EPHB1: variants seen among roughly 807,000 people sequenced by gnomAD.
EPHB1 encodes the protein EPH receptor B1.
In EPHB1, 30 loss-of-function variants were observed where a neutral mutation model predicts 94.4. The observed-to-expected ratio is 0.32, with a 90% CI of 0.24 to 0.43. The LOEUF is 0.43. Among genes scored for constraint, EPHB1 ranks in the 20% least tolerant of loss-of-function variants. EPHB1 has a pLI of 1.00. For synonymous variants in EPHB1, 522 were observed against 489.1 expected (o/e 1.07, Z -0.89); for missense variants, 1,055 against 1,308.3 (o/e 0.81, Z 2.99).
intron 3 of EPHB1, among the ~76,000 whole-genome samples, chr3:135,100,362 C>A (rs1938992393): frequency 6.6e-6 from 1 of 152,158 alleles, no homozygotes; most frequent in Non-Finnish European, 1.5e-5. Context: ...TTTTATCTTC[C>A]TTTGATATCA....
chr3:134,840,316 T>G (rs1186037744), intron 1 of EPHB1: 1 of 152,214 alleles, frequency 6.6e-6, no homozygotes, highest in Non-Finnish European at 1.5e-5. Flanking sequence ...CAGGTGAGGT[T>G]GCCTGGTGGG....
intron 4 of EPHB1, among the ~76,000 whole-genome samples, chr3:135,112,634 G>A (rs1939502074): frequency 1.4e-5 from 2 of 147,302 alleles, no homozygotes; most frequent in Admixed American, 7.0e-5. Flanking sequence ...GTGAGGACAT[G>A]CGGTGTTTGG....
chr3:134,856,313 A>G (rs1476763546), intron 1 of EPHB1, among the ~76,000 whole-genome samples: 3 of 152,156 alleles, frequency 2.0e-5, no homozygotes. Context: ...CCATGGCCCA[A>G]TGAACTAGGC....
At position 135,166,936 on chromosome 3, in the gene EPHB1, CCA is replaced by C; in HGVS notation, c.1695-3_1695-2del. The C allele has an allele frequency of 1.9e-6, 3 of 1,613,974 alleles. No individual in the cohort carries two copies. The highest frequency in any genetic ancestry group is 2.5e-6 in the Non-Finnish European group (3 of 1,179,900). ...TGGCTGAGAGAGCCCCTCTTTTTAT[CCA>C]CAGGAAACGGGCTTATAGCAAAGAG... On this transcript the variant is annotated splice_region_variant and splice_polypyrimidine_tract_variant and intron_variant, in intron 8 of 15. Transcript: ENST00000398015.
chr3:135,016,848 C>A (rs138117416), intron 3 of EPHB1, among the ~76,000 whole-genome samples: 11 of 152,248 alleles, frequency 7.2e-5, no homozygotes, highest in Admixed American at 5.2e-4. Context: ...TAAAAGATCC[C>A]ATCAGGCTCC....
chr3:135,166,313 G>A (rs1941651190), intron 8 of EPHB1, among the ~76,000 whole-genome samples: 1 of 152,168 alleles, frequency 6.6e-6, no homozygotes, highest in Admixed American at 6.5e-5. Context: ...TCATTTTAAC[G>A]AAGACTTTTA....
intron 3 of EPHB1, among the ~76,000 whole-genome samples, chr3:135,096,595 A>G (rs77625470): frequency 0.011 from 1,642 of 152,348 alleles, 22 homozygotes; most frequent in African/African-American, 0.038. Flanking sequence ...ACAGTTCTGA[A>G]TACTAGGAAG....
intron 12 of EPHB1, among the ~76,000 whole-genome samples, chr3:135,221,972 A>G (rs7619533): frequency 0.66 from 99,741 of 152,102 alleles, 33,914 homozygotes; most frequent in Middle Eastern, 0.76. Flanking sequence ...TAATAGCAAT[A>G]AGCAGAACTA....
In EPHB1 at chr3:134,859,840, G is replaced by A. The variant is rs368732511; in HGVS notation, c.58+64151G>A. On this transcript the variant is annotated intron_variant, in intron 1 of 15. Coordinates refer to ENST00000398015, the MANE Select transcript of EPHB1 (RefSeq NM_004441.5). ...TTTCTAGGTGCATACAAATTTATAC[G>A]GCCGCAATCATAATTTGGTATCTTG... 1.6e-3 allele frequency among the ~76,000 whole-genome samples: 236 copies of A among 151,968 alleles called. 1 individual carries two copies. The South Asian group carries it at 0.017, about 11-fold the overall frequency.
chr3:134,959,547 G>A (rs1057302299), intron 3 of EPHB1, among the ~76,000 whole-genome samples: 11 of 152,102 alleles, frequency 7.2e-5, no homozygotes, highest in Non-Finnish European at 1.5e-4. Flanking sequence ...TGGGGTTCTG[G>A]TGGCTCTGTG....
At chr3:135,144,770 A>ATCT (rs1940953962) in intron 5 of EPHB1, among the ~76,000 whole-genome samples, 1 of 151,962 alleles carries the variant, frequency 6.6e-6, no homozygotes, top group Non-Finnish European at 1.5e-5. Context: ...TGAAGCCCTC[A>ATCT]CTTTTTATCC....
At chr3:134,995,978 G>A (rs1404820106) in intron 3 of EPHB1, among the ~76,000 whole-genome samples, 31 of 151,634 alleles carry the variant, frequency 2.0e-4, no homozygotes, top group Admixed American at 2.0e-3. Flanking sequence ...ATGCCATAAT[G>A]CTTTATGACT....
rs553272747 is a variant in EPHB1, at chr3:135,248,197, C to T, written c.2497-119C>T. 1.6e-5 allele frequency: 15 copies of T among 945,066 alleles called. No homozygotes were observed. In the South Asian group the frequency reaches 3.1e-4, roughly 19 times the overall value. The allele number at this position is 945,066 out of a possible 1,614,324, so 58.5% of individuals were successfully genotyped here. On this transcript the variant is annotated intron_variant, in intron 13 of 15. Coordinates refer to ENST00000398015, the MANE Select transcript of EPHB1 (RefSeq NM_004441.5). Reference sequence around the variant, plus strand: ...CATTACAGCGGAAGGTGTGCAAGCACAGAGCAAGGGCATCTGAGACAGCCT... The same window carrying T: ...CATTACAGCGGAAGGTGTGCAAGCATAGAGCAAGGGCATCTGAGACAGCCT...
chr3:134,906,625 A>G (rs2038336374), intron 1 of EPHB1, among the ~76,000 whole-genome samples: 2 of 152,240 alleles, frequency 1.3e-5, no homozygotes, highest in Admixed American at 1.3e-4. Flanking sequence ...TACATGAGGT[A>G]ATGGCAATGG....
chr3:135,251,262 A>G (rs542753431), intron 15 of EPHB1, among the ~76,000 whole-genome samples: 1 of 152,342 alleles, frequency 6.6e-6, no homozygotes, highest in African/African-American at 2.4e-5. Flanking sequence ...AGCACTTACC[A>G]GTGGGAAACC....
chr3:135,109,096 T>A (rs1486095370), intron 4 of EPHB1, among the ~76,000 whole-genome samples: 1 of 152,196 alleles, frequency 6.6e-6, no homozygotes, highest in Non-Finnish European at 1.5e-5. Context: ...GCTGTGCTTC[T>A]GCTGAAAAAG....
chr3:135,052,013 G>A (rs775886416), intron 3 of EPHB1, among the ~76,000 whole-genome samples: 2 of 152,112 alleles, frequency 1.3e-5, no homozygotes, highest in Non-Finnish European at 2.9e-5. Context: ...TCAATTATTG[G>A]CAATTTTATA....
intron 3 of EPHB1, among the ~76,000 whole-genome samples, chr3:135,012,678 T>C (rs1429936983): frequency 6.6e-6 from 1 of 152,194 alleles, no homozygotes; most frequent in East Asian, 1.9e-4. Context: ...AATAGAGGGA[T>C]ACATGCCAGG....
chr3:134,929,276 A>C (rs40157), intron 2 of EPHB1, among the ~76,000 whole-genome samples: 89,391 of 152,036 alleles, frequency 0.59, 28,519 homozygotes, highest in African/African-American at 0.85. Context: ...TATCTTCTCT[A>C]TGAGGTTGGA....
Sources: allele counts gnomAD v4.1 joint callset (sites outside exome capture counted in the v4.1 genomes callset), GRCh38; gene constraint gnomAD v4.1.1; transcripts MANE v1.5; gene names NCBI Gene and HGNC (gene_info 2026-07-23, HGNC 2026-07-21).